The following AJAP1 variants were observed in gnomAD, a reference collection of about 807,000 sequenced individuals.
AJAP1 encodes adherens junctions associated protein 1.
In AJAP1, 5 loss-of-function variants were observed where a neutral mutation model predicts 35.0. The observed-to-expected ratio is 0.14, with a 90% confidence interval of 0.07 to 0.30. The LOEUF (loss-of-function observed/expected upper bound fraction) is 0.30. Ranked by LOEUF, AJAP1 falls within the 10% of genes least tolerant of loss-of-function variation. AJAP1 has a pLI of 1.00. For synonymous variants in AJAP1, 284 were observed against 249.3 expected (o/e 1.14, Z -1.31); for missense variants, 586 against 571.0 (o/e 1.03, Z -0.27).
intron 1 of AJAP1, among the ~76,000 whole-genome samples, chr1:4,678,903 C>G (rs116085734): frequency 0.011 from 1,619 of 152,354 alleles, 26 homozygotes; most frequent in African/African-American, 0.037. Flanking sequence ...ATGTAATCCT[C>G]ATAACAACCG....
rs184186787 is a variant in AJAP1, at chr1:4,736,857, G to C, written c.829+24158G>C. ...CTTGGGTGGGCTGGTTGGAAAGAGG[G>C]CTTCTACATGGACCTGCAGCCCTAG... On this transcript the variant is annotated intron_variant, in intron 2 of 5. Coordinates refer to ENST00000378191, the MANE Select transcript of AJAP1 (RefSeq NM_018836.4). Among the ~76,000 whole-genome samples, 209 of 152,286 alleles carry C rather than the reference G, an allele frequency of 1.4e-3. 1 individual carries two copies. Among genetic ancestry groups the C allele is most frequent in the African/African-American group, 4.7e-3 (196 of 41,554 alleles).
chr1:4,769,805 C>T, intron 2 of AJAP1, 48 bp from the exon 3 acceptor site: 3 of 1,547,780 alleles, frequency 1.9e-6, no homozygotes, highest in Middle Eastern at 1.7e-4. Context: ...CCCTCGCCTC[C>T]TGAACCTGGT....
intron 1 of AJAP1, among the ~76,000 whole-genome samples, chr1:4,657,766 G>A (rs1638913651): frequency 6.6e-6 from 1 of 152,046 alleles, no homozygotes; most frequent in Non-Finnish European, 1.5e-5. Flanking sequence ...CAGAGACGAA[G>A]TCTGGGCTTG....
In AJAP1 at chr1:4,679,782, G is replaced by T. The variant is rs144644739; in HGVS notation, c.29+24328G>T. 4.3e-3 allele frequency among the ~76,000 whole-genome samples: 643 copies of T among 150,774 alleles called. 3 individuals are homozygous for T. Among genetic ancestry groups the T allele is most frequent in the Non-Finnish European group, 5.8e-3 (397 of 67,870 alleles). ...AAAGACATCAGTTGTATTAATCAGGGTTCTGCTTAGAAACAGAACCAATAG... is the reference window on the plus strand; with the variant it reads ...AAAGACATCAGTTGTATTAATCAGGTTTCTGCTTAGAAACAGAACCAATAG... On this transcript the variant is annotated intron_variant, in intron 1 of 5. Transcript: ENST00000378191.
chr1:4,664,238 C>T (rs1294190497), intron 1 of AJAP1, among the ~76,000 whole-genome samples: 1 of 152,192 alleles, frequency 6.6e-6, no homozygotes, highest in Non-Finnish European at 1.5e-5. Flanking sequence ...TCTTCCTAGT[C>T]TAGAAGAACA....
At chr1:4,744,450 C>T (rs759407509) in intron 2 of AJAP1, among the ~76,000 whole-genome samples, 3 of 152,100 alleles carry the variant, frequency 2.0e-5, no homozygotes, top group African/African-American at 4.8e-5. Flanking sequence ...GGAGAGGCCT[C>T]GGGGGAGGAT....
At chr1:4,732,918 A>G (rs1156538954) in intron 2 of AJAP1, among the ~76,000 whole-genome samples, 1 of 152,214 alleles carries the variant, frequency 6.6e-6, no homozygotes, top group Non-Finnish European at 1.5e-5. Context: ...GCGTCTCCAA[A>G]TAGACATCTT....
chr1:4,712,507 A>G lies in AJAP1; in HGVS notation c.637A>G (p.Lys213Glu), dbSNP rs376309978. The G allele has an allele frequency of 7.4e-5, 119 of 1,612,658 alleles. No homozygotes were observed. In the Middle Eastern group the frequency reaches 4.4e-3, roughly 60 times the overall value. ...PTTVSILQTR[K>E]TTVAATTTTT... The stretch of plus-strand genomic sequence containing the variant: ...CACGGTCTCCATCCTACAAACACGG[A>G]AGACAACTGTGGCCGCCACCACCAC... Residue 213 changes from lysine to glutamate, a missense_variant, in exon 2 of 6, where the codon AAG becomes GAG. Lys to Glu is a moderately conservative substitution (Grantham distance 56, BLOSUM62 1). Transcript: ENST00000378191.
chr1:4,676,390 A>G (rs1639363586), intron 1 of AJAP1, among the ~76,000 whole-genome samples: 1 of 152,170 alleles, frequency 6.6e-6, no homozygotes, highest in Non-Finnish European at 1.5e-5. Context: ...TCTGAAACAC[A>G]TCTGGGTGCA....
Position 4,790,248 on chromosome 1 carries a change from G to A in AJAP1, c.*7763G>A, listed in dbSNP as rs775426146. 1 of 152,242 alleles carries A rather than the reference G, an allele frequency of 6.6e-6. No homozygotes were observed. Among genetic ancestry groups the A allele is most frequent in the Non-Finnish European group, 1.5e-5 (1 of 68,046 alleles). 9.4% of individuals were successfully genotyped at this position (152,242 alleles called of 1,614,324 possible). A position where few individuals can be genotyped will look rare whatever the true frequency, so the allele number is the denominator to read the frequency against. ...TGTTGCCTCCGCAGTCTATTCTGGG[G>A]TGGAAACACCATTCTCTATTATTTC... On this transcript the variant is annotated 3_prime_UTR_variant, in exon 6 of 6. Coordinates refer to ENST00000378191, the MANE Select transcript of AJAP1 (RefSeq NM_018836.4).
Position 4,723,861 on chromosome 1 carries a change from T to C in AJAP1, c.829+11162T>C, listed in dbSNP as rs1326788189. On this transcript the variant is annotated intron_variant, in intron 2 of 5. Coordinates refer to ENST00000378191, the MANE Select transcript of AJAP1 (RefSeq NM_018836.4). The surrounding 1 kb of genome is among the most constrained non-coding windows in gnomAD (Gnocchi z 4.3). ...TGAATGACCCAGTAGAGAATGGAAA[T>C]GGACAATGTGGCAGGGACGGAGGAA... Among the ~76,000 whole-genome samples the C allele has an allele frequency of 6.6e-6, 1 of 151,692 alleles. No individual in the cohort carries two copies. Among genetic ancestry groups the C allele is most frequent in the Non-Finnish European group, 1.5e-5 (1 of 67,938 alleles).
At chr1:4,706,311 G>C (rs945656210) in intron 1 of AJAP1, among the ~76,000 whole-genome samples, 3 of 152,188 alleles carry the variant, frequency 2.0e-5, no homozygotes, top group African/African-American at 7.2e-5. Flanking sequence ...GTAGAAGCAC[G>C]GGTCTTCTTC....
At chr1:4,667,809 G>A (rs1639164409) in intron 1 of AJAP1, among the ~76,000 whole-genome samples, 1 of 152,160 alleles carries the variant, frequency 6.6e-6, no homozygotes, top group Non-Finnish European at 1.5e-5. Flanking sequence ...TCTGAATTTT[G>A]GGAAGAGCCC....
intron 1 of AJAP1, among the ~76,000 whole-genome samples, chr1:4,704,618 C>T (rs1370635101): frequency 2.0e-5 from 3 of 152,052 alleles, no homozygotes; most frequent in Admixed American, 6.5e-5. Flanking sequence ...AATAAACATA[C>T]GTGTGCATGT....
intron 1 of AJAP1, among the ~76,000 whole-genome samples, chr1:4,686,372 C>G (rs924871202): frequency 1.3e-5 from 2 of 152,224 alleles, no homozygotes; most frequent in Non-Finnish European, 2.9e-5. Context: ...CCGCCTTCCT[C>G]TGCCGCACTG....
chr1:4,721,387 A>G (rs1557625511), intron 2 of AJAP1, among the ~76,000 whole-genome samples: 2 of 152,208 alleles, frequency 1.3e-5, no homozygotes, highest in African/African-American at 4.8e-5. Flanking sequence ...TGTAAAGGCC[A>G]CTGATCAAAG....
At chr1:4,672,124 A>C (rs1185445094) in intron 1 of AJAP1, among the ~76,000 whole-genome samples, 3 of 152,134 alleles carry the variant, frequency 2.0e-5, no homozygotes. Flanking sequence ...GGTGTGTATT[A>C]TTATCTGGGA....
At chr1:4,662,341 A>T (rs1205838986) in intron 1 of AJAP1, among the ~76,000 whole-genome samples, 2 of 152,134 alleles carry the variant, frequency 1.3e-5, no homozygotes, top group Non-Finnish European at 2.9e-5. Flanking sequence ...ATCCTCCAGC[A>T]TGTGGTCATC....
At chr1:4,775,329 C>T (rs1184540297) in intron 5 of AJAP1, among the ~76,000 whole-genome samples, 3 of 152,166 alleles carry the variant, frequency 2.0e-5, no homozygotes, top group Non-Finnish European at 2.9e-5. Context: ...CTGAGGTTTT[C>T]GTGTTGTTTT....
Sources: allele counts gnomAD v4.1 joint callset (sites outside exome capture counted in the v4.1 genomes callset), GRCh38; gene constraint gnomAD v4.1.1; non-coding constraint Gnocchi (gnomAD v3.1); transcripts MANE v1.5; gene names NCBI Gene and HGNC (gene_info 2026-07-23, HGNC 2026-07-21).